ZNF737: variants seen among roughly 807,000 people sequenced by gnomAD.
ZNF737 encodes the protein zinc finger protein 102 (Y3).
A neutral mutation model predicts 11.7 loss-of-function variants in ZNF737; 13 were observed. The ratio of observed to expected loss-of-function variants is 1.11; its 90% CI spans 0.73 to 1.77. ZNF737 has a LOEUF of 1.77. ZNF737 is among the 40% of genes most tolerant of loss of function. The pLI is 0.00. For missense variants in ZNF737, 636 were observed against 638.0 expected (o/e 1.00, Z 0.03); for synonymous variants, 217 against 216.2 (o/e 1.00, Z -0.03).
Position 20,539,714 on chromosome 19 carries a change from T to C in ZNF737, c.*4878A>G, listed in dbSNP as rs1439360542. The C allele has an allele frequency of 2.0e-6, 2 of 979,532 alleles. No individual in the cohort carries two copies. Among genetic ancestry groups the C allele is most frequent in the East Asian group, 1.1e-4 (1 of 8,802 alleles). 60.7% of individuals were successfully genotyped at this position (979,532 alleles called of 1,614,324 possible). On this transcript the variant is annotated 3_prime_UTR_variant, in exon 4 of 4. Coordinates refer to ENST00000427401, the MANE Select transcript of ZNF737 (RefSeq NM_001159293.2). ...CATTGTTTTTAAGGTTTTTCAAATA[T>C]GAAAACAGACAATTAGGTATACTTT...
rs1968428723 is a variant in ZNF737 at position 20,545,696 on chromosome 19, T to C, written c.507A>G (p.Gly169=). ...NSNRHKIRHT[G]KKPFKCIECG... ...ATTCTATACATTTGAAAGGTTTTTT[T>C]CCAGTATGTCTTATCTTATGTCTGT... The change falls in exon 4 of 4, where the codon GGA becomes GGG. Residue 169 remains glycine, a synonymous_variant. Transcript: ENST00000427401. 1.2e-6 allele frequency: 2 copies of C among 1,613,314 alleles called. No individual in the cohort carries two copies. Among genetic ancestry groups the C allele is most frequent in the African/African-American group, 1.3e-5 (1 of 74,940 alleles).
At position 20,542,595 on chromosome 19, in the gene ZNF737, C is replaced by T; in HGVS notation, c.*1997G>A. 1.0e-6 allele frequency: 1 copy of T among 971,738 alleles called. No homozygotes were observed. Among genetic ancestry groups the T allele is most frequent in the Non-Finnish European group, 1.2e-6 (1 of 817,730 alleles). The allele number at this position is 971,738 out of a possible 1,614,324, so 60.2% of individuals were successfully genotyped here. ...AGTACAAGTAGTAAAGTAATATACT[C>T]ATTTATTTTAATATACTTTTAATTA... On this transcript the variant is annotated 3_prime_UTR_variant, in exon 4 of 4. Coordinates refer to ENST00000427401, the MANE Select transcript of ZNF737 (RefSeq NM_001159293.2).
rs964296064 is a variant in ZNF737 at position 20,540,192 on chromosome 19, G to C, written c.*4400C>G. 2.8e-5 allele frequency: 28 copies of C among 982,776 alleles called. No individual in the cohort carries two copies. Among genetic ancestry groups the C allele is most frequent in the Non-Finnish European group, 3.3e-5 (27 of 827,710 alleles). 60.9% of individuals were successfully genotyped at this position (982,776 alleles called of 1,614,324 possible). ...AGCAGCTTACAACATGTTCTACCTA[G>C]AAGTCACTTACTTTCAGGCCAGCAG... On this transcript the variant is annotated 3_prime_UTR_variant, in exon 4 of 4. Coordinates refer to ENST00000427401, the MANE Select transcript of ZNF737 (RefSeq NM_001159293.2).
rs1968110979 is a variant in ZNF737 at position 20,539,440 on chromosome 19, T to G, written c.*5152A>C. ...AAGCTTAAATCTTGCCTTTGTTTCT[T>G]GTTAGTCATCTGGCCATTTCTGTAA... On this transcript the variant is annotated 3_prime_UTR_variant, in exon 4 of 4. Coordinates refer to ENST00000427401, the MANE Select transcript of ZNF737 (RefSeq NM_001159293.2). 1 of 985,334 alleles carries G rather than the reference T, an allele frequency of 1.0e-6. No homozygotes were observed. The highest frequency in any genetic ancestry group is 1.7e-5 in the African/African-American group (1 of 57,256). The allele number at this position is 985,334 out of a possible 1,614,324, so 61.0% of individuals were successfully genotyped here.
chr19:20,545,653 G>T lies in ZNF737; in HGVS notation c.550C>A (p.Gln184Lys). The change falls in exon 4 of 4, where the codon CAG (glutamine) becomes AAG (lysine). Residue 184 changes from glutamine (Q) to lysine (K), a missense_variant. Gln to Lys is a moderately conservative substitution (Grantham distance 53, BLOSUM62 1). Transcript: ENST00000427401. ...KCIECGKAFN[Q>K]SSTLTTHKKI... is the part of the protein sequence containing the mutation. ...TTATGTGTAGTAAGGGTTGAAGACT[G>T]GTTAAAAGCTTTGCCACATTCTATA... 1 of 1,613,894 alleles carries T rather than the reference G, an allele frequency of 6.2e-7. No individual in the cohort carries two copies. Among genetic ancestry groups the T allele is most frequent in the African/African-American group, 1.3e-5 (1 of 75,034 alleles).
chr19:20,564,157 T>A (rs1471505155), intron 1 of ZNF737: 2 of 151,884 alleles, frequency 1.3e-5, no homozygotes, highest in African/African-American at 4.8e-5. Context: ...AGAGCGAGAC[T>A]CTGTTTCAAA....
chr19:20,532,425 T>C (rs1599384885), downstream of ZNF737, among the ~76,000 whole-genome samples: 1 of 150,002 alleles, frequency 6.7e-6, no homozygotes, highest in African/African-American at 2.5e-5. Flanking sequence ...GACATACCCA[T>C]GTGACTCATT....
At chr19:20,534,461 CTA>C (rs1555753454), downstream of ZNF737, among the ~76,000 whole-genome samples, 4 of 118,236 alleles carry the variant, frequency 3.4e-5, no homozygotes, top group African/African-American at 1.1e-4. Flanking sequence ...AAATATCTAT[CTA>C]TCTATCTATC....
chr19:20,541,992 A>G lies in ZNF737; in HGVS notation c.*2600T>C, dbSNP rs1840799908. 1.3e-5 allele frequency: 13 copies of G among 979,132 alleles called. No individual in the cohort carries two copies. Among genetic ancestry groups the G allele is most frequent in the Non-Finnish European group, 1.6e-5 (13 of 824,268 alleles). The allele number at this position is 979,132 out of a possible 1,614,324, so 60.7% of individuals were successfully genotyped here. Reference sequence around the variant, plus strand: ...AATACAAATAAAAAATTTAAATAATAAAGAGTCAAAATTTAATCTATGGGA... The same window carrying G: ...AATACAAATAAAAAATTTAAATAATGAAGAGTCAAAATTTAATCTATGGGA... On this transcript the variant is annotated 3_prime_UTR_variant, in exon 4 of 4. Transcript: ENST00000427401.
At chr19:20,560,121 G>C (rs1163680466) in intron 1 of ZNF737, among the ~76,000 whole-genome samples, 1 of 142,914 alleles carries the variant, frequency 7.0e-6, no homozygotes, top group Non-Finnish European at 1.5e-5. Context: ...AGCCGAGATT[G>C]CGCCACTGCA....
At chr19:20,559,417 C>A (rs1335343968) in intron 1 of ZNF737, among the ~76,000 whole-genome samples, 1 of 151,742 alleles carries the variant, frequency 6.6e-6, no homozygotes, top group African/African-American at 2.4e-5. Context: ...TGGCTAAGTA[C>A]CTGAAAAAAA....
In ZNF737 at chr19:20,543,318, G is replaced by A. The variant is rs1968296489; in HGVS notation, c.*1274C>T. 1 of 985,798 alleles carries A rather than the reference G, an allele frequency of 1.0e-6. No individual in the cohort carries two copies. The highest frequency in any genetic ancestry group is 1.7e-5 in the African/African-American group (1 of 57,252). 61.1% of individuals were successfully genotyped at this position (985,798 alleles called of 1,614,324 possible). Reference sequence around the variant, plus strand: ...TTAGGATTTTCCTCCAGTACAAAATGTGTGCAATAAGATCTGTGATACTAG... The same window carrying A: ...TTAGGATTTTCCTCCAGTACAAAATATGTGCAATAAGATCTGTGATACTAG... On this transcript the variant is annotated 3_prime_UTR_variant, in exon 4 of 4. Coordinates refer to ENST00000427401, the MANE Select transcript of ZNF737 (RefSeq NM_001159293.2).
intron 1 of ZNF737, among the ~76,000 whole-genome samples, chr19:20,555,506 C>A (rs74992343): frequency 6.6e-6 from 1 of 152,096 alleles, no homozygotes; most frequent in Non-Finnish European, 1.5e-5. Context: ...TAATCCTGTT[C>A]GGCATACAGC....
chr19:20,553,719 C>G lies in ZNF737; in HGVS notation c.120G>C (p.Leu40=), dbSNP rs1481767377. 6.2e-7 allele frequency: 1 copy of G among 1,613,286 alleles called. No homozygotes were observed. The highest frequency in any genetic ancestry group is 8.5e-7 in the Non-Finnish European group (1 of 1,179,716). The part of the protein sequence containing the change: ...RNVMLENYRN[L]VFLGIVVSKP... ...TAAAGTTTTTCTCACCAAGGAAGAC[C>G]AGGTTTCTGTAGTTCTCTAACATCA... The change falls in exon 2 of 4, where the codon CTG becomes CTC. Residue 40 remains leucine, a synonymous_variant. Coordinates refer to ENST00000427401, the MANE Select transcript of ZNF737 (RefSeq NM_001159293.2).
rs546834108 is a variant in ZNF737, at chr19:20,542,530, C to A, written c.*2062G>T. On this transcript the variant is annotated 3_prime_UTR_variant, in exon 4 of 4. Transcript: ENST00000427401. ...TACAGGCATGAGCCATCAAGCCCGG[C>A]CCTAACAGTTTTAAAATGCACTGCA... 1 of 981,714 alleles carries A rather than the reference C, an allele frequency of 1.0e-6. No individual in the cohort carries two copies. Among genetic ancestry groups the A allele is most frequent in the East Asian group, 1.1e-4 (1 of 8,782 alleles). The allele number at this position is 981,714 out of a possible 1,614,324, so 60.8% of individuals were successfully genotyped here.
At chr19:20,549,913 G>C (rs1555757967) in intron 3 of ZNF737, among the ~76,000 whole-genome samples, 2 of 140,698 alleles carry the variant, frequency 1.4e-5, no homozygotes, top group Non-Finnish European at 3.0e-5. Context: ...CTGGGTGACA[G>C]AGTGTGACTC....
chr19:20,546,077 T>C (rs1263044793), intron 3 of ZNF737, 101 bp from the exon 4 acceptor site: 10 of 1,355,996 alleles, frequency 7.4e-6, no homozygotes, highest in Non-Finnish European at 8.9e-6. Flanking sequence ...ATAAGCAAGA[T>C]GACACAGCAA....
downstream of ZNF737, among the ~76,000 whole-genome samples, chr19:20,534,167 G>T (rs574691847): frequency 1.9e-4 from 29 of 150,200 alleles, 3 homozygotes; most frequent in South Asian, 6.3e-3. Flanking sequence ...ACTGAGCTGG[G>T]CCGGTGGCTC....
downstream of ZNF737, among the ~76,000 whole-genome samples, chr19:20,536,301 T>G (rs550631801): frequency 4.2e-4 from 64 of 152,328 alleles, no homozygotes; most frequent in South Asian, 8.3e-4. Flanking sequence ...ATATTGTGAA[T>G]GGTTATTTTG....
Sources: gnomAD v4.1 joint callset for allele counts (sites outside exome capture counted in the v4.1 genomes callset) on GRCh38, gnomAD v4.1.1 for gene constraint, MANE v1.5 for transcripts, NCBI Gene and HGNC (gene_info 2026-07-23, HGNC 2026-07-21) for gene names.